The following NCKAP1 variants were observed in gnomAD, a reference collection of about 807,000 sequenced individuals.
NCKAP1 encodes nck-associated protein 1.
Under a neutral mutation model 151.2 loss-of-function variants are expected in NCKAP1, and 21 were observed. The ratio of observed to expected loss-of-function variants is 0.14; its 90% CI spans 0.10 to 0.20. The LOEUF (loss-of-function observed/expected upper bound fraction) is 0.20, where lower values mean the gene tolerates loss of function less well. Ranked by LOEUF, NCKAP1 falls within the 10% of genes least tolerant of loss-of-function variation. The probability of loss-of-function intolerance (pLI) is 1.00; values close to 1 mark genes in which losing one functional copy is unlikely to be tolerated. For synonymous variants in NCKAP1, 484 were observed against 451.8 expected (o/e 1.07, Z -0.90); for missense variants, 933 against 1,352.1 (o/e 0.69, Z 4.86).
chr2:182,938,164 G>A (rs922133459), intron 24 of NCKAP1, among the ~76,000 whole-genome samples: 3 of 152,048 alleles, frequency 2.0e-5, no homozygotes, highest in Non-Finnish European at 2.9e-5. Flanking sequence ...GAGAAGCCCC[G>A]GTCAAACTAG....
intron 3 of NCKAP1, 39 bp from the exon 4 acceptor site, chr2:183,003,069 A>C: frequency 6.5e-7 from 1 of 1,530,190 alleles, no homozygotes; most frequent in Admixed American, 1.9e-5. Context: ...TATCTGTATA[A>C]ATCTGTTTAA....
chr2:183,038,214 G>C lies in NCKAP1; in HGVS notation c.-115C>G. On this transcript the variant is annotated 5_prime_UTR_variant, in exon 1 of 31. Coordinates refer to ENST00000361354, the MANE Select transcript of NCKAP1 (RefSeq NM_013436.5). Reference sequence around the variant, plus strand: ...CCTCCCGCCCGCGACCTCCGCCTTAGGAGAGCGCGCCCATGGCCCTCGCGC... The same window carrying C: ...CCTCCCGCCCGCGACCTCCGCCTTACGAGAGCGCGCCCATGGCCCTCGCGC... 1 of 674,982 alleles carries C rather than the reference G, an allele frequency of 1.5e-6. No individual in the cohort carries two copies. Among genetic ancestry groups the C allele is most frequent in the Non-Finnish European group, 2.3e-6 (1 of 443,770 alleles). The allele number at this position is 674,982 out of a possible 1,614,324, so 41.8% of individuals were successfully genotyped here.
At chr2:183,017,243 C>CT (rs1331312722) in intron 2 of NCKAP1, among the ~76,000 whole-genome samples, 1 of 151,974 alleles carries the variant, frequency 6.6e-6, no homozygotes, top group Non-Finnish European at 1.5e-5. Flanking sequence ...TTTGGGGTGA[C>CT]TAAAGCACAT....
intron 24 of NCKAP1, among the ~76,000 whole-genome samples, chr2:182,936,869 G>A (rs570248112): frequency 1.3e-5 from 2 of 152,022 alleles, no homozygotes; most frequent in Middle Eastern, 3.4e-3. Context: ...GATGAGACTA[G>A]GTTGGGTGGC....
chr2:183,011,798 T>G (rs544539408), intron 2 of NCKAP1, among the ~76,000 whole-genome samples: 2 of 152,298 alleles, frequency 1.3e-5, no homozygotes, highest in East Asian at 3.9e-4. Flanking sequence ...TCTTCCTAAC[T>G]CTGAGATATG....
intron 14 of NCKAP1, among the ~76,000 whole-genome samples, chr2:182,977,784 G>A (rs545769538): frequency 6.6e-6 from 1 of 152,236 alleles, no homozygotes; most frequent in South Asian, 2.1e-4. Context: ...TTGGAGATTG[G>A]TTGTACAACA....
Position 182,934,808 on chromosome 2 carries a change from GA to G in NCKAP1, c.2802del (p.Val936Ter). ...TTAAAATCTTCAATTGAACTTACAA[GA>G]AAAGGAATGTGGTAGGATAAGACCT... Reference protein sequence around the residue: ...LRDVLSYHIPFLVSSIEDFKD... With the variant: ...LRDVLSYHIPXLVSSIEDFKD... On this transcript the variant is annotated frameshift_variant, in exon 26 of 31. Coordinates refer to ENST00000361354, the MANE Select transcript of NCKAP1 (RefSeq NM_013436.5). LOFTEE classifies it high-confidence loss of function. 4 of 1,488,134 alleles carry G rather than the reference GA, an allele frequency of 2.7e-6. No individual in the cohort carries two copies. Among genetic ancestry groups the G allele is most frequent in the Admixed American group, 1.7e-5 (1 of 58,106 alleles). 92.2% of individuals were successfully genotyped at this position (1,488,134 alleles called of 1,614,324 possible).
chr2:182,976,867 G>A lies in NCKAP1; in HGVS notation c.1482+26C>T, dbSNP rs1475839131. 2.9e-6 allele frequency: 4 copies of A among 1,397,508 alleles called. No individual in the cohort carries two copies. The East Asian group carries it at 1.0e-4, about 36-fold the overall frequency. 86.6% of individuals were successfully genotyped at this position (1,397,508 alleles called of 1,614,324 possible). On this transcript the variant is annotated intron_variant, in intron 15 of 30. Coordinates refer to ENST00000361354, the MANE Select transcript of NCKAP1 (RefSeq NM_013436.5). ...TCATGTTAACTAAAATAACAAAACA[G>A]AATGACAATAAAAGGTTATTCTTAC...
chr2:182,929,007 T>A, intron 27 of NCKAP1, 108 bp from the exon 28 acceptor site: 1 of 699,268 alleles, frequency 1.4e-6, no homozygotes, highest in Non-Finnish European at 2.3e-6. Context: ...TTACTTTTTT[T>A]TTTGAAATAG....
At chr2:183,027,911 T>C (rs550406227) in intron 1 of NCKAP1, among the ~76,000 whole-genome samples, 3 of 152,292 alleles carry the variant, frequency 2.0e-5, no homozygotes, top group East Asian at 1.9e-4. Flanking sequence ...ACATCTACAA[T>C]ATTACACAAA....
chr2:183,016,658 C>T (rs1180165189), intron 2 of NCKAP1, among the ~76,000 whole-genome samples: 1 of 152,142 alleles, frequency 6.6e-6, no homozygotes, highest in African/African-American at 2.4e-5. Context: ...AAACCAAACT[C>T]TTATTTGTTG....
At chr2:183,005,643 A>T (rs1477157433) in intron 2 of NCKAP1, among the ~76,000 whole-genome samples, 1 of 152,134 alleles carries the variant, frequency 6.6e-6, no homozygotes, top group East Asian at 1.9e-4. Context: ...ACAAACATTT[A>T]TCAAACAACT....
intron 8 of NCKAP1, among the ~76,000 whole-genome samples, chr2:182,990,625 G>A (rs1052489116): frequency 7.9e-5 from 12 of 152,168 alleles, no homozygotes; most frequent in African/African-American, 2.6e-4. Context: ...CATCTACTCA[G>A]TGTCTACTAT....
At chr2:183,017,757 G>T (rs569851097) in intron 2 of NCKAP1, among the ~76,000 whole-genome samples, 2 of 152,230 alleles carry the variant, frequency 1.3e-5, no homozygotes, top group South Asian at 4.1e-4. Context: ...ACTATGGGGG[G>T]AGAAGTCATT....
At chr2:182,956,350 T>A (rs1196816201) in intron 20 of NCKAP1, 112 bp downstream of exon 20, 2 of 1,378,730 alleles carry the variant, frequency 1.5e-6, no homozygotes, top group East Asian at 2.4e-5. Context: ...CGGTTCATTA[T>A]TCTTAACACT....
chr2:183,017,510 A>G (rs190696504), intron 2 of NCKAP1, among the ~76,000 whole-genome samples: 121 of 152,246 alleles, frequency 7.9e-4, no homozygotes, highest in South Asian at 1.2e-3. Context: ...GCCACTGCTA[A>G]TATGACAGGA....
Position 182,952,425 on chromosome 2 carries a change from A to C in NCKAP1, c.2581T>G (p.Ser861Ala). 6.2e-7 allele frequency: 1 copy of C among 1,607,430 alleles called. No homozygotes were observed. Among genetic ancestry groups the C allele is most frequent in the Non-Finnish European group, 8.5e-7 (1 of 1,176,630 alleles). ...ATTACCTTAAGTTCAGCAACTTGTGATGAAATATGCCACATAAGGCTTTCA... is the reference window on the plus strand; with the variant it reads ...ATTACCTTAAGTTCAGCAACTTGTGCTGAAATATGCCACATAAGGCTTTCA... ...LSESLMWHIS[S>A]QVAELKKLVV... is the part of the protein sequence containing the mutation. The change falls in exon 23 of 31, where the codon TCA becomes GCA. Residue 861 changes from serine (S) to alanine (A), a missense_variant. Transcript: ENST00000361354.
At chr2:183,009,571 A>G (rs1698553194) in intron 2 of NCKAP1, among the ~76,000 whole-genome samples, 2 of 152,212 alleles carry the variant, frequency 1.3e-5, no homozygotes, top group African/African-American at 4.8e-5. Context: ...TTTAAGATGT[A>G]TACTAAATTG....
intron 1 of NCKAP1, among the ~76,000 whole-genome samples, chr2:183,032,690 T>C (rs556469445): frequency 1.3e-5 from 2 of 152,338 alleles, no homozygotes; most frequent in South Asian, 4.1e-4. Context: ...TTGTTATCTT[T>C]ATACAGATGC....
Sources: allele counts gnomAD v4.1 joint callset (sites outside exome capture counted in the v4.1 genomes callset), GRCh38; gene constraint gnomAD v4.1.1; transcripts MANE v1.5; gene names NCBI Gene and HGNC (gene_info 2026-07-23, HGNC 2026-07-21).